The following CEP112 variants were observed in gnomAD, a reference collection of about 807,000 sequenced individuals.
CEP112 encodes centrosomal protein of 112 kDa.
Under a neutral mutation model 153.0 loss-of-function variants are expected in CEP112, and 127 were observed. That is an observed-to-expected ratio of 0.83 (90% CI 0.72 to 0.96). The LOEUF (loss-of-function observed/expected upper bound fraction) is 0.96, where lower values mean the gene tolerates loss of function less well. CEP112 is among the 40% of genes least tolerant of loss of function. The pLI, the probability that CEP112 is intolerant of heterozygous loss-of-function variation, is 0.00. For synonymous variants in CEP112, 358 were observed against 374.4 expected (o/e 0.96, Z 0.51); for missense variants, 1,089 against 1,101.2 (o/e 0.99, Z 0.16).
chr17:66,098,002 G>T (rs924016321), intron 6 of CEP112, among the ~76,000 whole-genome samples: 1 of 152,104 alleles, frequency 6.6e-6, no homozygotes, highest in South Asian at 2.1e-4. Flanking sequence ...CAGCCTAAAG[G>T]TTTCTCCATT....
chr17:65,979,095 A>T (rs1192095939), intron 17 of CEP112, among the ~76,000 whole-genome samples: 2 of 152,128 alleles, frequency 1.3e-5, no homozygotes, highest in African/African-American at 4.8e-5. Context: ...CCTGCTCTGG[A>T]TCTAAAATGG....
intron 23 of CEP112, among the ~76,000 whole-genome samples, chr17:65,719,927 G>C (rs1265587867): frequency 6.6e-6 from 1 of 152,152 alleles, no homozygotes; most frequent in Non-Finnish European, 1.5e-5. Flanking sequence ...GTGGAGGAGA[G>C]GTTGGAAGGG....
intron 20 of CEP112, among the ~76,000 whole-genome samples, chr17:65,856,555 CA>C: frequency 6.6e-6 from 1 of 152,204 alleles, no homozygotes; most frequent in Middle Eastern, 3.4e-3. Context: ...AGTTAACATC[CA>C]AAAGCCATAA....
At chr17:65,718,296 T>C (rs1425468970) in intron 23 of CEP112, among the ~76,000 whole-genome samples, 1 of 151,368 alleles carries the variant, frequency 6.6e-6, no homozygotes, top group Non-Finnish European at 1.5e-5. Flanking sequence ...TAATCCCAAC[T>C]ACTCAGGAGG....
chr17:66,062,603 G>T (rs1349608486), intron 11 of CEP112, among the ~76,000 whole-genome samples: 5 of 151,802 alleles, frequency 3.3e-5, no homozygotes, highest in Non-Finnish European at 5.9e-5. Context: ...AAAATTTCAG[G>T]AAAGAAATAC....
intron 24 of CEP112, among the ~76,000 whole-genome samples, chr17:65,643,891 T>C (rs1206649621): frequency 1.3e-5 from 2 of 152,216 alleles, no homozygotes; most frequent in African/African-American, 4.8e-5. Flanking sequence ...GATTCAGGGT[T>C]CAGAGCTGCC....
At chr17:65,672,378 G>A (rs2047028034) in intron 24 of CEP112, among the ~76,000 whole-genome samples, 1 of 151,900 alleles carries the variant, frequency 6.6e-6, no homozygotes, top group South Asian at 2.1e-4. Flanking sequence ...CAATCAGTGG[G>A]ATTAAAAAAA....
intron 21 of CEP112, among the ~76,000 whole-genome samples, chr17:65,780,743 A>G (rs1357207191): frequency 2.0e-5 from 3 of 152,088 alleles, no homozygotes; most frequent in Non-Finnish European, 4.4e-5. Context: ...ACTCTTAGGA[A>G]GCAGATAGAA....
At chr17:65,740,771 T>C (rs1036652432) in intron 23 of CEP112, among the ~76,000 whole-genome samples, 2 of 152,202 alleles carry the variant, frequency 1.3e-5, no homozygotes, top group Non-Finnish European at 2.9e-5. Flanking sequence ...TCAAGCCTCA[T>C]AGTGGCTGTG....
chr17:65,924,350 T>C lies in CEP112; in HGVS notation c.1980+3232A>G, dbSNP rs185813747. Reference sequence around the variant, plus strand: ...ACAAATAATCCTCCCGAAACATATGTGAACATGCATTTTTTTGCACATGTA... The same window carrying C: ...ACAAATAATCCTCCCGAAACATATGCGAACATGCATTTTTTTGCACATGTA... On this transcript the variant is annotated intron_variant, in intron 19 of 26. Transcript: ENST00000535342. Among the ~76,000 whole-genome samples, 270 of 152,306 alleles carry C rather than the reference T, an allele frequency of 1.8e-3. 2 individuals carry two copies. Among genetic ancestry groups the C allele is most frequent in the African/African-American group, 5.7e-3 (236 of 41,562 alleles).
chr17:65,866,610 C>G (rs1451946967), intron 20 of CEP112, among the ~76,000 whole-genome samples: 2 of 152,164 alleles, frequency 1.3e-5, no homozygotes, highest in Non-Finnish European at 2.9e-5. Flanking sequence ...CAGGCACTTC[C>G]TCCCCTCTGA....
At chr17:65,654,990 T>C in intron 24 of CEP112, 1 of 695,088 alleles carries the variant, frequency 1.4e-6, no homozygotes, top group Non-Finnish European at 2.6e-6. Flanking sequence ...AAAGGGAACC[T>C]GATAGAAGAA....
chr17:65,667,944 T>C (rs1024196335), intron 24 of CEP112, among the ~76,000 whole-genome samples: 16 of 151,168 alleles, frequency 1.1e-4, no homozygotes, highest in Admixed American at 9.2e-4. Flanking sequence ...TCACCCAGGA[T>C]GGAGTGCAGT....
chr17:66,166,903 C>CAAAAAAA (rs10714039), intron 4 of CEP112, among the ~76,000 whole-genome samples: 22 of 88,506 alleles, frequency 2.5e-4, no homozygotes, highest in Non-Finnish European at 5.0e-4. Context: ...GACTCCATCT[C>CAAAAAAA]AAAAAAAAAA....
chr17:65,782,917 G>A (rs561703584), intron 21 of CEP112, among the ~76,000 whole-genome samples: 27 of 151,154 alleles, frequency 1.8e-4, no homozygotes, highest in Non-Finnish European at 3.4e-4. Context: ...TCAGCATCAC[G>A]CAATATACCC....
rs77344730 is a variant in CEP112, at chr17:65,954,891, T to C, written c.1872+6572A>G. 1.2e-4 allele frequency among the ~76,000 whole-genome samples: 19 copies of C among 152,276 alleles called. No individual in the cohort carries two copies. In the East Asian group the frequency reaches 3.5e-3, roughly 28 times the overall value. Reference sequence around the variant, plus strand: ...GTTAAACATCCAAACCTAAGAATAATTGGTGTTCCTGAGGAAGATGAGAAA... The same window carrying C: ...GTTAAACATCCAAACCTAAGAATAACTGGTGTTCCTGAGGAAGATGAGAAA... On this transcript the variant is annotated intron_variant, in intron 18 of 26. Coordinates refer to ENST00000535342, the MANE Select transcript of CEP112 (RefSeq NM_001199165.4).
At chr17:66,079,406 C>A (rs963150519) in intron 8 of CEP112, among the ~76,000 whole-genome samples, 1 of 152,070 alleles carries the variant, frequency 6.6e-6, no homozygotes, top group Admixed American at 6.6e-5. Context: ...GAAAACAGTG[C>A]AAACAAACCT....
chr17:66,012,273 T>C (rs2064563541), intron 16 of CEP112, among the ~76,000 whole-genome samples: 1 of 152,200 alleles, frequency 6.6e-6, no homozygotes, highest in African/African-American at 2.4e-5. Flanking sequence ...TGTCATCATG[T>C]TGTTAGCTGG....
chr17:66,058,551 C>T (rs563030615), intron 11 of CEP112, among the ~76,000 whole-genome samples: 11 of 151,962 alleles, frequency 7.2e-5, no homozygotes, highest in Non-Finnish European at 1.3e-4. Context: ...TAAAGCAATC[C>T]TAAGCAAGAA....
Sources: allele counts gnomAD v4.1 joint callset (sites outside exome capture counted in the v4.1 genomes callset), GRCh38; gene constraint gnomAD v4.1.1; transcripts MANE v1.5; gene names NCBI Gene and HGNC (gene_info 2026-07-23, HGNC 2026-07-21).